Variants in UBE4A observed in about 807,000 individuals in gnomAD.
UBE4A encodes ubiquitination factor E4A.
UBE4A carries 48 observed loss-of-function variants against 117.9 expected under a neutral mutation model. That is an observed-to-expected ratio of 0.41 (90% CI 0.32 to 0.52). The LOEUF (loss-of-function observed/expected upper bound fraction) is 0.52. Among genes scored for constraint, UBE4A ranks in the 20% least tolerant of loss-of-function variants. The pLI, the probability that UBE4A is intolerant of heterozygous loss-of-function variation, is 0.33. For missense variants in UBE4A, 1,067 were observed against 1,296.3 expected, an observed-to-expected ratio of 0.82 and a Z score of 2.72; for synonymous variants, 407 against 450.0, an observed-to-expected ratio of 0.90 and a Z score of 1.21.
At position 118,377,381 on chromosome 11, in the gene UBE4A, A is replaced by AT. The variant is rs1286559180; in HGVS notation, c.1571+694dup. 3.2e-4 allele frequency among the ~76,000 whole-genome samples: 49 copies of AT among 151,632 alleles called. No homozygotes were observed. The East Asian group carries it at 9.1e-3, about 28-fold the overall frequency. The stretch of plus-strand genomic sequence containing the variant: ...CACCACCATGCCCAGCTGATTTTGT[A>AT]TTTTTTTAGTAGAGATGGGGTTTCG... On this transcript the variant is annotated intron_variant, in intron 10 of 19. Transcript: ENST00000252108.
rs73613940 is a variant in UBE4A at position 118,369,445 on chromosome 11, G to C, written c.318G>C (p.Gly106=). Reference sequence around the variant, plus strand: ...CAGGTGATCCCAGCTTGAAAAGCGGGAATGGCATCCCTAGCCGTTGTGTGT... The same window carrying C: ...CAGGTGATCCCAGCTTGAAAAGCGGCAATGGCATCCCTAGCCGTTGTGTGT... ...LDNSDPSLKS[G]NGIPSRCVYL... Residue 106 remains glycine, a synonymous_variant, in exon 4 of 20, where the codon GGG becomes GGC. Coordinates refer to ENST00000252108, the MANE Select transcript of UBE4A (RefSeq NM_001204077.2). The C allele has an allele frequency of 1.1e-4, 176 of 1,614,146 alleles. No individual in the cohort carries two copies. In the African/African-American group the frequency reaches 2.2e-3, roughly 20 times the overall value.
At chr11:118,367,447 C>G (rs1213506784) in intron 2 of UBE4A, among the ~76,000 whole-genome samples, 1 of 151,648 alleles carries the variant, frequency 6.6e-6, no homozygotes, top group Non-Finnish European at 1.5e-5. Context: ...AACAGGCACT[C>G]TCTCATATAC....
chr11:118,383,760 C>G (rs983188730), intron 13 of UBE4A, among the ~76,000 whole-genome samples: 16 of 152,072 alleles, frequency 1.1e-4, no homozygotes, highest in African/African-American at 3.9e-4. Context: ...ATAAATACAA[C>G]TAACATTTAA....
chr11:118,379,209 C>G (rs1555125853), intron 10 of UBE4A, among the ~76,000 whole-genome samples: 1 of 152,200 alleles, frequency 6.6e-6, no homozygotes, highest in Non-Finnish European at 1.5e-5. Context: ...TAGTGCATTT[C>G]AACTGAAGGC....
chr11:118,386,490 A>G lies in UBE4A; in HGVS notation c.2465A>G (p.Asp822Gly). 2 of 1,610,420 alleles carry G rather than the reference A, an allele frequency of 1.2e-6. No individual in the cohort carries two copies. Among genetic ancestry groups the G allele is most frequent in the Non-Finnish European group, 1.7e-6 (2 of 1,178,956 alleles). Residue 822 changes from aspartate to glycine, a missense_variant, in exon 16 of 20, where the codon GAT becomes GGT. Physicochemically the swap from Asp to Gly is moderately conservative, Grantham distance 94. Coordinates refer to ENST00000252108, the MANE Select transcript of UBE4A (RefSeq NM_001204077.2). ...QQIEKDRGEW[D>G]SLTPEARREK... ...ATTGAGAAGGATCGAGGTGAATGGG[A>G]TAGTCTGACTCCAGAAGCCCGCCGA...
chr11:118,359,963 C>T (rs1398280081), intron 1 of UBE4A, among the ~76,000 whole-genome samples: 2 of 152,182 alleles, frequency 1.3e-5, no homozygotes, highest in Non-Finnish European at 2.9e-5. Context: ...TTTGACTTAA[C>T]TTTCTCTAGA....
In UBE4A at chr11:118,397,955, CTT is replaced by C. The variant is rs1224827016; in HGVS notation, c.*1518_*1519del. 1 of 152,420 alleles carries C rather than the reference CTT, an allele frequency of 6.6e-6. No individual in the cohort carries two copies. Among genetic ancestry groups the C allele is most frequent in the Non-Finnish European group, 1.5e-5 (1 of 68,020 alleles). The allele number at this position is 152,420 out of a possible 1,614,324, so 9.4% of individuals were successfully genotyped here. ...AAAATGAAAAAGGAAATTGAGGACA[CTT>C]TTGCAAATGCCAGAATGTAAGATTC... On this transcript the variant is annotated 3_prime_UTR_variant, in exon 20 of 20. Coordinates refer to ENST00000252108, the MANE Select transcript of UBE4A (RefSeq NM_001204077.2).
At chr11:118,392,610 C>T in intron 18 of UBE4A, 128 bp from the exon 19 acceptor site, 1 of 823,126 alleles carries the variant, frequency 1.2e-6, no homozygotes, top group Non-Finnish European at 1.8e-6. Context: ...ACGTGTGTCA[C>T]TGTCACTGTC....
At chr11:118,375,308 TCA>T in intron 9 of UBE4A, 79 bp downstream of exon 9, 1 of 1,304,366 alleles carries the variant, frequency 7.7e-7, no homozygotes, top group South Asian at 1.9e-5. Flanking sequence ...TTATCCTTTT[TCA>T]CAGAGTTCCT....
Position 118,373,160 on chromosome 11 carries a change from C to A in UBE4A, c.796C>A (p.Pro266Thr). The A allele has an allele frequency of 3.7e-6, 6 of 1,613,990 alleles. No homozygotes were observed. The highest frequency in any genetic ancestry group is 5.1e-6 in the Non-Finnish European group (6 of 1,180,010). The stretch of plus-strand genomic sequence containing the variant: ...ATTGGATGAGGAAGTTAGAACATTT[C>A]CAGAAGTCATGATTCCAGTGTTTGA... ...LILDEEVRTF[P>T]EVMIPVFDIL... The change falls in exon 7 of 20, where the codon CCA (proline) becomes ACA (threonine). Residue 266 changes from proline (P) to threonine (T), a missense_variant. Physicochemically the swap from Pro to Thr is conservative, Grantham distance 38. Transcript: ENST00000252108.
At position 118,373,602 on chromosome 11, in the gene UBE4A, G is replaced by C; in HGVS notation, c.1033G>C (p.Val345Leu). 5 of 1,614,204 alleles carry C rather than the reference G, an allele frequency of 3.1e-6. No individual in the cohort carries two copies. The highest frequency in any genetic ancestry group is 4.2e-6 in the Non-Finnish European group (5 of 1,180,022). ...CTCCTGCTTATTAAAGACTCCGGGT[G>C]TTGTAGAAAATCATGGCTACTTTTT... is the stretch of plus-strand genomic sequence containing the variant. ...SISCLLKTPG[V>L]VENHGYFLNP... The change falls in exon 8 of 20, where the codon GTT (valine) becomes CTT (leucine). Residue 345 changes from valine to leucine, a missense_variant. Physicochemically the swap from Val to Leu is conservative, Grantham distance 32 (BLOSUM62 1). Coordinates refer to ENST00000252108, the MANE Select transcript of UBE4A (RefSeq NM_001204077.2).
At chr11:118,377,072 A>G (rs2134096069) in intron 10 of UBE4A, among the ~76,000 whole-genome samples, 1 of 152,242 alleles carries the variant, frequency 6.6e-6, no homozygotes, top group East Asian at 1.9e-4. Flanking sequence ...AAAGAGAGGA[A>G]GAGTCTTACA....
Position 118,389,733 on chromosome 11 carries a change from TCAC to T in UBE4A, c.2597_2599del (p.Ser866_Leu867delinsPhe). The T allele has an allele frequency of 6.3e-7, 1 of 1,599,626 alleles. No homozygotes were observed. Among genetic ancestry groups the T allele is most frequent in the Non-Finnish European group, 8.6e-7 (1 of 1,168,794 alleles). On this transcript the variant is annotated inframe_deletion, in exon 17 of 20. Coordinates refer to ENST00000252108, the MANE Select transcript of UBE4A (RefSeq NM_001204077.2). ...TTTGGATTCTTTTCCAGAGATCAAG[TCAC>T]TCTTTGTGCATCCCTTCCTGGCTGA...
chr11:118,380,881 G>A (rs1465178062), intron 11 of UBE4A, among the ~76,000 whole-genome samples: 2 of 152,146 alleles, frequency 1.3e-5, no homozygotes, highest in East Asian at 1.9e-4. Context: ...TGACCAAAAT[G>A]GAGACTGTAA....
intron 17 of UBE4A, 124 bp downstream of exon 17, chr11:118,390,029 G>T: frequency 9.2e-7 from 1 of 1,088,118 alleles, no homozygotes; most frequent in South Asian, 2.0e-5. Context: ...CTAGTTGCTT[G>T]ATGAAGGAAT....
chr11:118,382,919 CT>C (rs5795124), intron 13 of UBE4A, 143 bp downstream of exon 13: 146,347 of 475,326 alleles, frequency 0.31, 3,207 homozygotes, highest in East Asian at 0.47. Flanking sequence ...ATGATAAGTG[CT>C]TTTTTTTTTT....
rs782752685 is a variant in UBE4A, at chr11:118,379,595, C to T, written c.1721C>T (p.Ala574Val). Reference protein sequence around the residue: ...LMTIYLSTKTAMTEPQMLQNC... With the variant: ...LMTIYLSTKTVMTEPQMLQNC... ...ACCATCTATCTTTCTACCAAGACTG[C>T]CATGACAGAGCCACAAATGCTACAA... is the stretch of plus-strand genomic sequence containing the variant. Residue 574 changes from alanine to valine, a missense_variant, in exon 11 of 20, where the codon GCC becomes GTC. Physicochemically the swap from Ala to Val is moderately conservative, Grantham distance 64. Coordinates refer to ENST00000252108, the MANE Select transcript of UBE4A (RefSeq NM_001204077.2). 3 of 1,614,220 alleles carry T rather than the reference C, an allele frequency of 1.9e-6. No individual in the cohort carries two copies. In the South Asian group the frequency reaches 3.3e-5, roughly 18 times the overall value.
intron 19 of UBE4A, among the ~76,000 whole-genome samples, chr11:118,395,897 A>G (rs1948866746): frequency 6.6e-6 from 1 of 152,158 alleles, no homozygotes; most frequent in African/African-American, 2.4e-5. Flanking sequence ...CAACATGGTG[A>G]AACTCTGTTT....
intron 19 of UBE4A, among the ~76,000 whole-genome samples, chr11:118,395,349 A>G (rs1948860873): frequency 6.6e-6 from 1 of 151,880 alleles, no homozygotes; most frequent in Admixed American, 6.6e-5. Flanking sequence ...AAAAAAAAAG[A>G]ATTTTCTACC....
Sources: gnomAD v4.1 joint callset for allele counts (sites outside exome capture counted in the v4.1 genomes callset) on GRCh38, gnomAD v4.1.1 for gene constraint, MANE v1.5 for transcripts, NCBI Gene and HGNC (gene_info 2026-07-23, HGNC 2026-07-21) for gene names.